EPHA6: variants seen among roughly 807,000 people sequenced by gnomAD.
EPHA6 encodes the protein EPH receptor A6.
Under a neutral mutation model 112.0 loss-of-function variants are expected in EPHA6, and 50 were observed. The observed-to-expected ratio is 0.45, with a 90% CI of 0.36 to 0.56. The LOEUF is 0.56. Among genes scored for constraint, EPHA6 ranks in the 20% least tolerant of loss-of-function variants. EPHA6 has a pLI of 0.00. For synonymous variants in EPHA6, 529 were observed against 490.7 expected, an observed-to-expected ratio of 1.08 and a Z score of -1.03; for missense variants, 1,280 against 1,417.4, an observed-to-expected ratio of 0.90 and a Z score of 1.56.
chr3:96,913,985 G>T (rs924099447), intron 2 of EPHA6, among the ~76,000 whole-genome samples: 1 of 152,074 alleles, frequency 6.6e-6, no homozygotes, highest in African/African-American at 2.4e-5. Context: ...TTCAAGCAAA[G>T]TTTGTAGTGG....
chr3:97,113,117 T>A (rs1316241027), intron 3 of EPHA6, among the ~76,000 whole-genome samples: 4 of 152,154 alleles, frequency 2.6e-5, no homozygotes, highest in Non-Finnish European at 4.4e-5. Context: ...CTCAACCTTG[T>A]CCTGTAGATA....
intron 16 of EPHA6, among the ~76,000 whole-genome samples, chr3:97,744,243 T>C (rs1231825982): frequency 6.6e-6 from 1 of 151,980 alleles, no homozygotes; most frequent in East Asian, 1.9e-4. Context: ...CAGGTTTTGC[T>C]GTAAAGATAT....
chr3:97,170,723 C>T lies in EPHA6; in HGVS notation c.1115-55541C>T, dbSNP rs556394125. On this transcript the variant is annotated intron_variant, in intron 3 of 17. Coordinates refer to ENST00000389672, the MANE Select transcript of EPHA6 (RefSeq NM_001080448.3). ...CTGCCCTTCCACCTGGGCGACAGAG[C>T]GAGCCGATGTCTCAAAAAAGAAAAA... Among the ~76,000 whole-genome samples, 30 of 150,132 alleles carry T rather than the reference C, an allele frequency of 2.0e-4. No individual in the cohort carries two copies. The South Asian group carries it at 4.4e-3, about 22-fold the overall frequency.
intron 7 of EPHA6, among the ~76,000 whole-genome samples, chr3:97,465,850 A>T (rs1420214311): frequency 6.6e-6 from 1 of 152,084 alleles, no homozygotes; most frequent in African/African-American, 2.4e-5. Context: ...ACAGGAATTT[A>T]GCTCCAGTAT....
intron 14 of EPHA6, among the ~76,000 whole-genome samples, chr3:97,708,030 C>A (rs1213349729): frequency 6.6e-6 from 1 of 152,090 alleles, no homozygotes; most frequent in East Asian, 1.9e-4. Flanking sequence ...AAAATTGGTG[C>A]CAAGAGTGGG....
intron 5 of EPHA6, among the ~76,000 whole-genome samples, chr3:97,312,503 A>G (rs1048689653): frequency 1.3e-5 from 2 of 151,610 alleles, no homozygotes; most frequent in Non-Finnish European, 3.0e-5. Flanking sequence ...CAGGTTTTTC[A>G]TATTAGGGAT....
chr3:97,353,014 T>C (rs1233625278), intron 5 of EPHA6, among the ~76,000 whole-genome samples: 1 of 152,098 alleles, frequency 6.6e-6, no homozygotes, highest in African/African-American at 2.4e-5. Flanking sequence ...ATCCAGGCCC[T>C]AGTTCCTGGA....
chr3:97,247,041 T>C (rs1272019552), intron 5 of EPHA6, among the ~76,000 whole-genome samples: 1 of 152,032 alleles, frequency 6.6e-6, no homozygotes, highest in African/African-American at 2.4e-5. Flanking sequence ...ATTGTATTGC[T>C]TAGTAAATAA....
At chr3:97,041,859 G>A (rs193001135) in intron 3 of EPHA6, among the ~76,000 whole-genome samples, 30 of 152,128 alleles carry the variant, frequency 2.0e-4, no homozygotes, top group Admixed American at 3.3e-4. Flanking sequence ...CATGCGAACA[G>A]CAAGGGGAAA....
At chr3:96,936,370 C>T (rs990023040) in intron 2 of EPHA6, among the ~76,000 whole-genome samples, 7 of 151,584 alleles carry the variant, frequency 4.6e-5, no homozygotes, top group Admixed American at 2.6e-4. Context: ...TTAAAAAAGT[C>T]ATGTATCTGC....
At chr3:96,841,319 C>T (rs72931363) in intron 1 of EPHA6, among the ~76,000 whole-genome samples, 2,402 of 152,154 alleles carry the variant, frequency 0.016, 65 homozygotes, top group African/African-American at 0.048. Context: ...GAACAGAATG[C>T]GGGCGGGTTT....
At chr3:96,873,079 C>T (rs2036729134) in intron 2 of EPHA6, among the ~76,000 whole-genome samples, 1 of 151,910 alleles carries the variant, frequency 6.6e-6, no homozygotes, top group Non-Finnish European at 1.5e-5. Flanking sequence ...ACCAACCTGG[C>T]CAACATGGTG....
At position 97,208,750 on chromosome 3, in the gene EPHA6, T is replaced by TA. The variant is rs539682728; in HGVS notation, c.1115-17502dup. On this transcript the variant is annotated intron_variant, in intron 3 of 17. Transcript: ENST00000389672. The stretch of plus-strand genomic sequence containing the variant: ...TGACAGAGCAAGACTCTGTCTCAAT[T>TA]AAAAAAAAAAAATGGAAGGCTACAT... Among the ~76,000 whole-genome samples, 878 of 145,122 alleles carry TA rather than the reference T, an allele frequency of 6.1e-3. 3 individuals are homozygous for TA. Among genetic ancestry groups the TA allele is most frequent in the African/African-American group, 0.018 (732 of 40,082 alleles).
At chr3:97,276,908 G>A (rs780335802) in intron 5 of EPHA6, among the ~76,000 whole-genome samples, 1 of 152,176 alleles carries the variant, frequency 6.6e-6, no homozygotes, top group Non-Finnish European at 1.5e-5. Context: ...GGGCAGGTGG[G>A]GGAGGGCTAG....
intron 14 of EPHA6, among the ~76,000 whole-genome samples, chr3:97,650,454 T>C (rs931668607): frequency 4.6e-5 from 7 of 152,068 alleles, no homozygotes; most frequent in African/African-American, 1.7e-4. Flanking sequence ...TTGCGGTCAT[T>C]ACAGAGTGAT....
At chr3:97,399,540 T>C (rs1214337083) in intron 5 of EPHA6, among the ~76,000 whole-genome samples, 2 of 151,684 alleles carry the variant, frequency 1.3e-5, no homozygotes, top group African/African-American at 2.4e-5. Flanking sequence ...TGCACTAATT[T>C]ACATTCCCAC....
At chr3:96,816,498 A>G (rs2032793863) in intron 1 of EPHA6, among the ~76,000 whole-genome samples, 1 of 152,174 alleles carries the variant, frequency 6.6e-6, no homozygotes, top group African/African-American at 2.4e-5. Context: ...AAAAACGTGT[A>G]ACGATTACCC....
chr3:97,342,235 C>G (rs2083341223), intron 5 of EPHA6, among the ~76,000 whole-genome samples: 1 of 152,052 alleles, frequency 6.6e-6, no homozygotes, highest in Non-Finnish European at 1.5e-5. Flanking sequence ...TAAAAAATAC[C>G]TCTGATTCCA....
chr3:96,827,934 G>T (rs2033773848), intron 1 of EPHA6, among the ~76,000 whole-genome samples: 1 of 151,980 alleles, frequency 6.6e-6, no homozygotes, highest in African/African-American at 2.4e-5. Context: ...GAGATTCAGG[G>T]GTTGCTTTAG....
Sources: gnomAD v4.1 joint callset for allele counts (sites outside exome capture counted in the v4.1 genomes callset) on GRCh38, gnomAD v4.1.1 for gene constraint, MANE v1.5 for transcripts, NCBI Gene and HGNC (gene_info 2026-07-23, HGNC 2026-07-21) for gene names.